ESRRB: variants seen among roughly 807,000 people sequenced by gnomAD.
ESRRB encodes steroid hormone receptor ERR2.
In ESRRB, 16 loss-of-function variants were observed where a neutral mutation model predicts 46.0. The ratio of observed to expected loss-of-function variants is 0.35; its 90% CI spans 0.24 to 0.53. ESRRB has a LOEUF of 0.53. Ranked by LOEUF, ESRRB falls within the 20% of genes least tolerant of loss-of-function variation. The pLI is 0.93. For missense variants in ESRRB, 488 were observed against 607.4 expected (o/e 0.80, Z 2.07); for synonymous variants, 246 against 259.6 (o/e 0.95, Z 0.50).
intron 1 of ESRRB, among the ~76,000 whole-genome samples, chr14:76,402,030 G>T (rs1175689842): frequency 6.6e-6 from 1 of 152,214 alleles, no homozygotes; most frequent in Admixed American, 6.5e-5. Context: ...TCCAAAGGCG[G>T]GAGAAGGCTG....
At chr14:76,332,328 A>G (rs1202780357) in intron 1 of ESRRB, among the ~76,000 whole-genome samples, 1 of 147,358 alleles carries the variant, frequency 6.8e-6, no homozygotes, top group Non-Finnish European at 1.5e-5. Flanking sequence ...AATTTTTGAG[A>G]CAGGGTCTCA....
At chr14:76,365,775 C>T (rs1884514977) in intron 1 of ESRRB, among the ~76,000 whole-genome samples, 2 of 152,092 alleles carry the variant, frequency 1.3e-5, no homozygotes, top group South Asian at 4.1e-4. Context: ...GAACTTAGAC[C>T]AACAAAAGAT....
At chr14:76,341,221 A>G (rs1884187950) in intron 1 of ESRRB, among the ~76,000 whole-genome samples, 1 of 152,202 alleles carries the variant, frequency 6.6e-6, no homozygotes, top group Non-Finnish European at 1.5e-5. Flanking sequence ...AAGCCTGCAC[A>G]GTCTTCGCTG....
upstream of ESRRB, among the ~76,000 whole-genome samples, chr14:76,374,190 A>T (rs1463539675): frequency 6.6e-6 from 1 of 152,224 alleles, no homozygotes; most frequent in African/African-American, 2.4e-5. Context: ...AGGCAACTTT[A>T]GATGCTAGAG....
At position 76,500,089 on chromosome 14, in the gene ESRRB, T is replaced by C. The variant is rs1031184086; in HGVS notation, c.*1631T>C. 1.0e-5 allele frequency: 16 copies of C among 1,542,590 alleles called. No homozygotes were observed. Among genetic ancestry groups the C allele is most frequent in the African/African-American group, 2.7e-5 (2 of 72,786 alleles). ...CAGGTAACTTTCTGCAGCTTTTCCA[T>C]AGAAGCCCTGGTCCCACCTCCTTGG... On this transcript the variant is annotated 3_prime_UTR_variant, in exon 7 of 7. Coordinates refer to ENST00000644823, the MANE Select transcript of ESRRB (RefSeq NM_001379180.1).
chr14:76,457,008 G>T (rs1427307393), intron 2 of ESRRB, among the ~76,000 whole-genome samples: 3 of 152,118 alleles, frequency 2.0e-5, no homozygotes, highest in Non-Finnish European at 2.9e-5. Flanking sequence ...ACAGGTCCCC[G>T]AGAGCTATTT....
Position 76,500,621 on chromosome 14 carries a change from C to A in ESRRB, c.*2163C>A. ...GCCGAGGTAGCACCCTGCTCTGTCA[C>A]TTCCTGCTCAAGCTGGAGGACCCAG... On this transcript the variant is annotated 3_prime_UTR_variant, in exon 7 of 7. Coordinates refer to ENST00000644823, the MANE Select transcript of ESRRB (RefSeq NM_001379180.1). The A allele has an allele frequency of 6.5e-7, 1 of 1,535,100 alleles. No individual in the cohort carries two copies. The highest frequency in any genetic ancestry group is 9.0e-7 in the Non-Finnish European group (1 of 1,109,546).
chr14:76,484,279 C>G (rs1889918681), intron 5 of ESRRB, among the ~76,000 whole-genome samples: 1 of 152,232 alleles, frequency 6.6e-6, no homozygotes, highest in African/African-American at 2.4e-5. Flanking sequence ...GGCCCAGAGG[C>G]TCTGCTGGCA....
upstream of ESRRB, among the ~76,000 whole-genome samples, chr14:76,367,949 C>CTTT (rs778235037): frequency 0.021 from 2,016 of 95,260 alleles, 154 homozygotes; most frequent in African/African-American, 0.045. Context: ...TTCCAGTTTG[C>CTTT]TTTTTTTTTT....
intron 1 of ESRRB, among the ~76,000 whole-genome samples, chr14:76,314,530 C>T (rs1039638841): frequency 6.6e-6 from 1 of 152,134 alleles, no homozygotes; most frequent in Non-Finnish European, 1.5e-5. Context: ...CCTGGAGTGC[C>T]GAGGGCTCAG....
At position 76,500,057 on chromosome 14, in the gene ESRRB, A is replaced by G; in HGVS notation, c.*1599A>G. 1 of 1,551,140 alleles carries G rather than the reference A, an allele frequency of 6.4e-7. No homozygotes were observed. The highest frequency in any genetic ancestry group is 8.7e-7 in the Non-Finnish European group (1 of 1,146,146). Reference sequence around the variant, plus strand: ...AGATCTCACCCAGCACTAGGACACCAGGAGGCCAGGTAACTTTCTGCAGCT... The same window carrying G: ...AGATCTCACCCAGCACTAGGACACCGGGAGGCCAGGTAACTTTCTGCAGCT... On this transcript the variant is annotated 3_prime_UTR_variant, in exon 7 of 7. Coordinates refer to ENST00000644823, the MANE Select transcript of ESRRB (RefSeq NM_001379180.1).
At chr14:76,470,952 CA>C (rs1245979917) in intron 3 of ESRRB, among the ~76,000 whole-genome samples, 1 of 152,200 alleles carries the variant, frequency 6.6e-6, no homozygotes, top group East Asian at 1.9e-4. Flanking sequence ...TTCAGCCTCC[CA>C]AATTCTTCCC....
chr14:76,402,261 C>A (rs1885976992), intron 1 of ESRRB, among the ~76,000 whole-genome samples: 1 of 152,196 alleles, frequency 6.6e-6, no homozygotes, highest in African/African-American at 2.4e-5. Context: ...ATGGCCCGGT[C>A]AAGTTGACAC....
intron 3 of ESRRB, among the ~76,000 whole-genome samples, chr14:76,467,122 G>A (rs1039250163): frequency 6.6e-6 from 1 of 152,168 alleles, no homozygotes; most frequent in Middle Eastern, 3.2e-3. Context: ...TGGGGACCTG[G>A]GACAGATGGG....
At chr14:76,345,094 G>T (rs531857829) in intron 1 of ESRRB, among the ~76,000 whole-genome samples, 1 of 152,168 alleles carries the variant, frequency 6.6e-6, no homozygotes, top group South Asian at 2.1e-4. Flanking sequence ...AAATTCTAGC[G>T]GATACTTTGG....
At chr14:76,390,414 A>T (rs1008277702) in intron 1 of ESRRB, among the ~76,000 whole-genome samples, 12 of 152,146 alleles carry the variant, frequency 7.9e-5, no homozygotes, top group African/African-American at 2.9e-4. Flanking sequence ...ACTTGAACCC[A>T]GGAGGTGGAG....
chr14:76,324,306 C>T (rs984619920), intron 1 of ESRRB, among the ~76,000 whole-genome samples: 1 of 152,146 alleles, frequency 6.6e-6, no homozygotes, highest in East Asian at 1.9e-4. Flanking sequence ...GCTGCCCCGG[C>T]AGGGAGGGAG....
chr14:76,426,858 A>T (rs771407673), intron 1 of ESRRB, among the ~76,000 whole-genome samples: 11 of 152,208 alleles, frequency 7.2e-5, no homozygotes, highest in Non-Finnish European at 1.6e-4. Flanking sequence ...TGGGGAGACC[A>T]TGTCGCTACA....
intron 1 of ESRRB, among the ~76,000 whole-genome samples, chr14:76,355,333 C>A (rs1248484391): frequency 6.6e-6 from 1 of 152,114 alleles, no homozygotes; most frequent in African/African-American, 2.4e-5. Context: ...TTTACCACGC[C>A]CTTCTCCCTT....
Sources: gnomAD v4.1 joint callset for allele counts (sites outside exome capture counted in the v4.1 genomes callset) on GRCh38, gnomAD v4.1.1 for gene constraint, MANE v1.5 for transcripts, NCBI Gene and HGNC (gene_info 2026-07-23, HGNC 2026-07-21) for gene names.